RAPGEF4: variants seen among roughly 807,000 people sequenced by gnomAD.
The protein encoded by RAPGEF4 is RAP guanine-nucleotide-exchange factor (GEF) 4.
A neutral mutation model predicts 147.9 loss-of-function variants in RAPGEF4; 66 were observed. The observed-to-expected ratio is 0.45, with a 90% CI of 0.37 to 0.55. The LOEUF (loss-of-function observed/expected upper bound fraction) is 0.55, where lower values mean the gene tolerates loss of function less well. RAPGEF4 is among the 20% of genes least tolerant of loss of function. The probability of loss-of-function intolerance (pLI) is 0.00; values close to 1 mark genes in which losing one functional copy is unlikely to be tolerated. For missense variants in RAPGEF4, 1,071 were observed against 1,257.3 expected (o/e 0.85, Z 2.24); for synonymous variants, 419 against 442.7 (o/e 0.95, Z 0.67).
chr2:172,889,938 T>C (rs1697711443), intron 4 of RAPGEF4: 2 of 529,808 alleles, frequency 3.8e-6, no homozygotes, highest in African/African-American at 2.1e-5. Flanking sequence ...GAATGTTTCG[T>C]GATGTGCTGG....
chr2:172,911,865 C>T (rs578201582), intron 4 of RAPGEF4, among the ~76,000 whole-genome samples: 6 of 148,058 alleles, frequency 4.1e-5, no homozygotes, highest in African/African-American at 1.5e-4. Context: ...CTCCTGGGCC[C>T]ATGTGATCCT....
chr2:172,800,323 A>G (rs1574878520), intron 3 of RAPGEF4, among the ~76,000 whole-genome samples: 1 of 152,200 alleles, frequency 6.6e-6, no homozygotes, highest in Non-Finnish European at 1.5e-5. Flanking sequence ...TGAAGGTAGG[A>G]CATGGTCCAG....
intron 4 of RAPGEF4, among the ~76,000 whole-genome samples, chr2:172,891,318 A>G (rs1271164036): frequency 6.6e-6 from 1 of 152,152 alleles, no homozygotes; most frequent in African/African-American, 2.4e-5. Flanking sequence ...ACATTACTCT[A>G]TGATGTCTGT....
chr2:172,965,122 G>A (rs1052122316), intron 8 of RAPGEF4: 37 of 170,072 alleles, frequency 2.2e-4, no homozygotes, highest in Non-Finnish European at 3.0e-4. Flanking sequence ...GCCTTTCATA[G>A]CACCTCTGAG....
In RAPGEF4 at chr2:172,966,261, ATTTG is replaced by A. The variant is rs527524414; in HGVS notation, c.820+582_820+585del. Reference sequence around the variant, plus strand: ...GTAACTCTGGCCAAACTCTTATGCCATTTGTTTAAGACACTTCCAAACAGACAAA... The same window carrying A: ...GTAACTCTGGCCAAACTCTTATGCCATTTAAGACACTTCCAAACAGACAAA... On this transcript the variant is annotated intron_variant, in intron 9 of 30. Coordinates refer to ENST00000397081, the MANE Select transcript of RAPGEF4 (RefSeq NM_007023.4). Among the ~76,000 whole-genome samples the A allele has an allele frequency of 1.3e-4, 20 of 152,292 alleles. No homozygotes were observed. In the South Asian group the frequency reaches 4.1e-3, roughly 32 times the overall value.
At chr2:172,911,582 C>T (rs1659719116) in intron 4 of RAPGEF4, among the ~76,000 whole-genome samples, 1 of 151,928 alleles carries the variant, frequency 6.6e-6, no homozygotes, top group African/African-American at 2.4e-5. Flanking sequence ...CCTCAGCCTC[C>T]CGAGTAGCTG....
At chr2:172,918,333 T>G (rs1684318065) in intron 5 of RAPGEF4, among the ~76,000 whole-genome samples, 1 of 146,060 alleles carries the variant, frequency 6.8e-6, no homozygotes, top group African/African-American at 2.6e-5. Context: ...TCATGGCCTC[T>G]TCCAATTCCA....
intron 25 of RAPGEF4, among the ~76,000 whole-genome samples, chr2:173,027,825 CAGTT>C (rs778842732): frequency 6.6e-6 from 1 of 152,132 alleles, no homozygotes; most frequent in Non-Finnish European, 1.5e-5. Flanking sequence ...CTACAGGGGC[CAGTT>C]AGAGTTCTCC....
At chr2:172,991,872 G>A (rs1692869587) in intron 15 of RAPGEF4, among the ~76,000 whole-genome samples, 1 of 152,138 alleles carries the variant, frequency 6.6e-6, no homozygotes, top group African/African-American at 2.4e-5. Context: ...CAACATATTT[G>A]CAAAGAGGGC....
At chr2:172,788,528 T>G (rs1225452367) in intron 1 of RAPGEF4, among the ~76,000 whole-genome samples, 1 of 152,148 alleles carries the variant, frequency 6.6e-6, no homozygotes. Flanking sequence ...CTGTCTGTTT[T>G]CATGTGGCAG....
chr2:172,982,880 T>G (rs1334660549), intron 10 of RAPGEF4, among the ~76,000 whole-genome samples: 1 of 152,210 alleles, frequency 6.6e-6, no homozygotes, highest in African/African-American at 2.4e-5. Flanking sequence ...CCTCCCTTCT[T>G]GCCTTCTCTT....
intron 3 of RAPGEF4, among the ~76,000 whole-genome samples, chr2:172,811,755 T>C (rs539309662): frequency 6.6e-6 from 1 of 152,200 alleles, no homozygotes; most frequent in Non-Finnish European, 1.5e-5. Context: ...CATCCACTCA[T>C]ATTCATCCTG....
chr2:172,920,041 C>G (rs1478458231), intron 5 of RAPGEF4, among the ~76,000 whole-genome samples: 1 of 152,136 alleles, frequency 6.6e-6, no homozygotes, highest in Non-Finnish European at 1.5e-5. Context: ...CACCCTTGGT[C>G]TAGTCTAGGC....
intron 4 of RAPGEF4, among the ~76,000 whole-genome samples, chr2:172,859,562 A>G (rs539533940): frequency 1.3e-5 from 2 of 152,220 alleles, no homozygotes; most frequent in Non-Finnish European, 2.9e-5. Context: ...ATAGCATTTT[A>G]TTCTTTGTAT....
intron 4 of RAPGEF4, among the ~76,000 whole-genome samples, chr2:172,824,788 G>A (rs2257236): frequency 0.49 from 73,786 of 151,958 alleles, 18,210 homozygotes; most frequent in East Asian, 0.59. Flanking sequence ...GAGAGAATGC[G>A]AGTAAAGAAG....
chr2:172,813,048 A>G (rs1488350173), intron 3 of RAPGEF4, among the ~76,000 whole-genome samples: 1 of 152,160 alleles, frequency 6.6e-6, no homozygotes, highest in Non-Finnish European at 1.5e-5. Flanking sequence ...TTTCTGAGAT[A>G]TTGATTTTAT....
intron 4 of RAPGEF4, chr2:172,859,978 G>T (rs564158977): frequency 5.2e-6 from 5 of 963,394 alleles, no homozygotes; most frequent in Admixed American, 6.2e-5. Flanking sequence ...CCTGGCAATT[G>T]TTTCATGGAA....
At chr2:172,789,405 C>T (rs923660884) in intron 1 of RAPGEF4, among the ~76,000 whole-genome samples, 3 of 152,184 alleles carry the variant, frequency 2.0e-5, no homozygotes, top group Non-Finnish European at 4.4e-5. Context: ...CTTTATGATC[C>T]TGCGTTCTAC....
intron 29 of RAPGEF4, among the ~76,000 whole-genome samples, chr2:173,043,239 G>A (rs1447191660): frequency 6.6e-6 from 1 of 152,238 alleles, no homozygotes; most frequent in Non-Finnish European, 1.5e-5. Context: ...TAGGTCTGGA[G>A]ACAGAATCAA....
Sources: gnomAD v4.1 joint callset for allele counts (sites outside exome capture counted in the v4.1 genomes callset) on GRCh38, gnomAD v4.1.1 for gene constraint, MANE v1.5 for transcripts, NCBI Gene and HGNC (gene_info 2026-07-23, HGNC 2026-07-21) for gene names.